HS6ST3: variants seen among roughly 807,000 people sequenced by gnomAD.
HS6ST3 encodes heparan-sulfate 6-O-sulfotransferase 3.
In HS6ST3, 12 loss-of-function variants were observed where a neutral mutation model predicts 36.7. The observed-to-expected ratio is 0.33, with a 90% CI of 0.21 to 0.53. HS6ST3 has a LOEUF of 0.53. HS6ST3 is among the 20% of genes least tolerant of loss of function. HS6ST3 has a pLI of 0.95. For synonymous variants in HS6ST3, 240 were observed against 257.5 expected (o/e 0.93, Z 0.65); for missense variants, 584 against 640.9 (o/e 0.91, Z 0.96).
chr13:96,781,666 A>G (rs1877531440), intron 1 of HS6ST3, among the ~76,000 whole-genome samples: 1 of 152,198 alleles, frequency 6.6e-6, no homozygotes, highest in Non-Finnish European at 1.5e-5. Flanking sequence ...GCAAATGAAA[A>G]TATATCAATA....
chr13:96,140,402 A>C (rs776884986), intron 1 of HS6ST3, among the ~76,000 whole-genome samples: 5 of 152,156 alleles, frequency 3.3e-5, no homozygotes, highest in Non-Finnish European at 5.9e-5. Context: ...TAAATTGCTT[A>C]TTGCAGTGAA....
intron 1 of HS6ST3, among the ~76,000 whole-genome samples, chr13:96,579,804 T>C (rs2056335013): frequency 6.6e-6 from 1 of 152,122 alleles, no homozygotes; most frequent in Non-Finnish European, 1.5e-5. Context: ...CCTGATGGCA[T>C]TTCTAGAGTG....
chr13:96,587,617 A>G (rs934530805), intron 1 of HS6ST3, among the ~76,000 whole-genome samples: 5 of 152,236 alleles, frequency 3.3e-5, no homozygotes, highest in African/African-American at 1.2e-4. Context: ...CAAATCCAAC[A>G]GGTGGCTTCA....
intron 1 of HS6ST3, among the ~76,000 whole-genome samples, chr13:96,648,342 A>G (rs924796990): frequency 1.3e-5 from 2 of 152,002 alleles, no homozygotes; most frequent in Non-Finnish European, 2.9e-5. Flanking sequence ...TGTTAGTGTT[A>G]TTCTACCCAA....
chr13:96,758,704 A>G (rs1876892120), intron 1 of HS6ST3, among the ~76,000 whole-genome samples: 1 of 151,902 alleles, frequency 6.6e-6, no homozygotes. Flanking sequence ...ATTGACTTCT[A>G]ATTCCTCTGT....
chr13:96,459,004 T>A (rs990977435), intron 1 of HS6ST3, among the ~76,000 whole-genome samples: 1 of 148,972 alleles, frequency 6.7e-6, no homozygotes, highest in Non-Finnish European at 1.5e-5. Context: ...CCTGGGAAGC[T>A]GAGACAGGAG....
At chr13:96,624,999 G>A (rs1260399511) in intron 1 of HS6ST3, among the ~76,000 whole-genome samples, 4 of 152,210 alleles carry the variant, frequency 2.6e-5, no homozygotes, top group African/African-American at 9.6e-5. Context: ...GTGGAAGAAA[G>A]CAGCTTTACT....
intron 1 of HS6ST3, among the ~76,000 whole-genome samples, chr13:96,571,144 T>C (rs982192034): frequency 2.0e-5 from 3 of 152,182 alleles, no homozygotes; most frequent in Admixed American, 2.0e-4. Context: ...TCAATGAATG[T>C]TCACTTATTC....
intron 1 of HS6ST3, among the ~76,000 whole-genome samples, chr13:96,745,645 A>C (rs757116858): frequency 6.6e-6 from 1 of 152,092 alleles, no homozygotes; most frequent in African/African-American, 2.4e-5. Context: ...TAAAGGGCGA[A>C]GAATTTCCAG....
At chr13:96,518,690 T>A (rs1219843699) in intron 1 of HS6ST3, among the ~76,000 whole-genome samples, 1 of 152,180 alleles carries the variant, frequency 6.6e-6, no homozygotes. Context: ...GCAGGTTTTT[T>A]AAGCTGTAAA....
At chr13:96,279,634 C>T (rs1259509426) in intron 1 of HS6ST3, among the ~76,000 whole-genome samples, 1 of 152,156 alleles carries the variant, frequency 6.6e-6, no homozygotes, top group Non-Finnish European at 1.5e-5. Context: ...TTAAAGAATC[C>T]TGCTGCTTCT....
chr13:96,807,466 A>T (rs1256056898), intron 1 of HS6ST3, among the ~76,000 whole-genome samples: 1 of 152,200 alleles, frequency 6.6e-6, no homozygotes, highest in Non-Finnish European at 1.5e-5. Flanking sequence ...GTGGACACAG[A>T]CAAGCACACA....
intron 1 of HS6ST3, among the ~76,000 whole-genome samples, chr13:96,606,142 C>A (rs2056437970): frequency 6.6e-6 from 1 of 152,102 alleles, no homozygotes; most frequent in Non-Finnish European, 1.5e-5. Flanking sequence ...TTAGTTCAGC[C>A]ACTGTGGAAA....
chr13:96,330,741 T>C lies in HS6ST3; in HGVS notation c.707+239172T>C, dbSNP rs1385837579. On this transcript the variant is annotated intron_variant, in intron 1 of 1. Transcript: ENST00000376705. The stretch of plus-strand genomic sequence containing the variant: ...CTGAACGTTGGCCTACCTTGCTAGA[T>C]TGGGGAAGTTCTCCTGGATAATATC... Among the ~76,000 whole-genome samples, 4 of 150,686 alleles carry C rather than the reference T, an allele frequency of 2.7e-5. No individual in the cohort carries two copies. The East Asian group carries it at 7.8e-4, about 29-fold the overall frequency.
chr13:96,420,880 A>G (rs1238998319), intron 1 of HS6ST3, among the ~76,000 whole-genome samples: 1 of 152,252 alleles, frequency 6.6e-6, no homozygotes, highest in Non-Finnish European at 1.5e-5. Flanking sequence ...TCACGTGGTT[A>G]GTGAATGAGA....
chr13:96,610,552 G>T (rs977072607), intron 1 of HS6ST3, among the ~76,000 whole-genome samples: 1 of 152,054 alleles, frequency 6.6e-6, no homozygotes. Context: ...TTCTTTCTTT[G>T]TTCCTTCCCT....
chr13:96,710,628 C>A (rs1052004239), intron 1 of HS6ST3, among the ~76,000 whole-genome samples: 3 of 152,246 alleles, frequency 2.0e-5, no homozygotes, highest in African/African-American at 7.2e-5. Flanking sequence ...AGGCTGATTG[C>A]ACTGTCTTGG....
intron 1 of HS6ST3, among the ~76,000 whole-genome samples, chr13:96,262,665 C>A (rs1009591015): frequency 6.6e-6 from 1 of 152,116 alleles, no homozygotes; most frequent in Non-Finnish European, 1.5e-5. Flanking sequence ...TTCAGCTAAC[C>A]TGACTGTTGT....
chr13:96,728,160 A>G (rs142465182), intron 1 of HS6ST3, among the ~76,000 whole-genome samples: 25 of 152,344 alleles, frequency 1.6e-4, no homozygotes, highest in African/African-American at 5.3e-4. Flanking sequence ...AGTAGGAAGA[A>G]CAAGTACATA....
Sources: allele counts gnomAD v4.1 joint callset (sites outside exome capture counted in the v4.1 genomes callset), GRCh38; gene constraint gnomAD v4.1.1; transcripts MANE v1.5; gene names NCBI Gene and HGNC (gene_info 2026-07-23, HGNC 2026-07-21).